The following ALKBH1 variants were observed in gnomAD, a reference collection of about 807,000 sequenced individuals.
The protein encoded by ALKBH1 is alkB homolog 1, histone H2A dioxygenase, also known as nucleic acid dioxygenase ALKBH1.
A neutral mutation model predicts 36.6 loss-of-function variants in ALKBH1; 31 were observed. The ratio of observed to expected loss-of-function variants is 0.85; its 90% confidence interval spans 0.64 to 1.14. ALKBH1 has a LOEUF of 1.14. Among genes scored for constraint, ALKBH1 ranks in the 50% most tolerant of loss-of-function variants. The pLI is 0.00. For missense variants in ALKBH1, 490 were observed against 497.3 expected, an observed-to-expected ratio of 0.99 and a Z score of 0.14; for synonymous variants, 183 against 186.6, an observed-to-expected ratio of 0.98 and a Z score of 0.16.
chr14:77,688,953 G>C (rs2080283641), intron 3 of ALKBH1, among the ~76,000 whole-genome samples: 1 of 152,110 alleles, frequency 6.6e-6, no homozygotes, highest in Non-Finnish European at 1.5e-5. Flanking sequence ...TTTTTCTGAA[G>C]TGAAAAATCT....
chr14:77,675,146 GTT>G (rs1284506322), intron 5 of ALKBH1, among the ~76,000 whole-genome samples: 3 of 152,048 alleles, frequency 2.0e-5, no homozygotes, highest in Admixed American at 2.0e-4. Context: ...TAAAAGGTAG[GTT>G]ACGGCCAGGT....
At chr14:77,693,493 A>G (rs746326738) in intron 3 of ALKBH1, among the ~76,000 whole-genome samples, 2 of 152,224 alleles carry the variant, frequency 1.3e-5, no homozygotes, top group Non-Finnish European at 2.9e-5. Context: ...CTCAATAGAT[A>G]ACAACTGAAT....
chr14:77,679,734 T>A (rs913123767), intron 4 of ALKBH1, 146 bp downstream of exon 4: 5 of 630,238 alleles, frequency 7.9e-6, no homozygotes, highest in Non-Finnish European at 1.4e-5. Context: ...CCTGGCCCAG[T>A]TGAGATTTTT....
chr14:77,696,927 G>A (rs531170213), intron 2 of ALKBH1: 1 of 153,574 alleles, frequency 6.5e-6, no homozygotes, highest in Non-Finnish European at 1.5e-5. Flanking sequence ...GAGTTGCTGT[G>A]GGAGCACAGA....
chr14:77,695,273 A>G (rs941886991), intron 2 of ALKBH1, among the ~76,000 whole-genome samples: 6 of 152,362 alleles, frequency 3.9e-5, no homozygotes, highest in Admixed American at 2.6e-4. Flanking sequence ...AAATCTTATA[A>G]TGAATTTTAG....
rs748761389 is a variant in ALKBH1 at position 77,694,920 on chromosome 14, G to GA, written c.293-21dup. On this transcript the variant is annotated intron_variant, in intron 2 of 5. Transcript: ENST00000216489. ...TAAACCCTATACAAAAGATGGGTGG[G>GA]AAAAAAAGAAGAGGGGGAAATTCTC... 3 of 1,462,610 alleles carry GA rather than the reference G, an allele frequency of 2.1e-6. No individual in the cohort carries two copies. Among genetic ancestry groups the GA allele is most frequent in the Non-Finnish European group, 2.7e-6 (3 of 1,104,276 alleles). 90.6% of individuals were successfully genotyped at this position (1,462,610 alleles called of 1,614,324 possible). A position where few individuals can be genotyped will look rare whatever the true frequency, so the allele number is the denominator to read the frequency against.
chr14:77,703,593 CTTTTT>C (rs200488919), intron 2 of ALKBH1, among the ~76,000 whole-genome samples: 32 of 112,896 alleles, frequency 2.8e-4, no homozygotes, highest in African/African-American at 1.1e-3. Flanking sequence ...CTGCGTCCAG[CTTTTT>C]TTTTTTTTTT....
chr14:77,699,974 G>A (rs1394539623), intron 2 of ALKBH1, among the ~76,000 whole-genome samples: 3 of 152,110 alleles, frequency 2.0e-5, no homozygotes, highest in Non-Finnish European at 4.4e-5. Context: ...AGAATGGCAT[G>A]AACCCGGGAG....
chr14:77,673,910 T>C lies in ALKBH1; in HGVS notation c.1072A>G (p.Ile358Val), dbSNP rs1333348992. 1 of 1,614,192 alleles carries C rather than the reference T, an allele frequency of 6.2e-7. No homozygotes were observed. The highest frequency in any genetic ancestry group is 1.7e-5 in the Admixed American group (1 of 60,016). The change falls in exon 6 of 6, where the codon ATC becomes GTC. Residue 358 changes from isoleucine to valine, a missense_variant. Physicochemically the swap from Ile to Val is conservative, Grantham distance 29. Coordinates refer to ENST00000216489, the MANE Select transcript of ALKBH1 (RefSeq NM_006020.3). ...ATDQNFPLEP[I>V]EDEKRDISTE... is the part of the protein sequence containing the mutation. ...CTGATGTCTCTTTTTTCATCCTCGA[T>C]GGGTTCTAGAGGGAAATTCTGGTCT...
At chr14:77,683,112 A>G in intron 3 of ALKBH1, 2 of 517,918 alleles carry the variant, frequency 3.9e-6, no homozygotes, top group Non-Finnish European at 6.9e-6. Context: ...CTGACCTCCC[A>G]GAGTGCTAAG....
chr14:77,691,473 C>T (rs2080296837), intron 3 of ALKBH1, among the ~76,000 whole-genome samples: 1 of 152,178 alleles, frequency 6.6e-6, no homozygotes, highest in Admixed American at 6.5e-5. Flanking sequence ...CTGCCAGGTA[C>T]TGTCCACATG....
At chr14:77,680,050 A>G (rs903769856) in intron 3 of ALKBH1, 80 bp from the exon 4 acceptor site, 8 of 1,095,840 alleles carry the variant, frequency 7.3e-6, no homozygotes, top group Admixed American at 3.4e-5. Context: ...TGGAGTTAAA[A>G]TTTAGTATTA....
At chr14:77,687,536 A>C (rs2080274623) in intron 3 of ALKBH1, among the ~76,000 whole-genome samples, 1 of 152,104 alleles carries the variant, frequency 6.6e-6, no homozygotes, top group Non-Finnish European at 1.5e-5. Context: ...ACTTTTAAAA[A>C]ATTCAGCATT....
intron 3 of ALKBH1, among the ~76,000 whole-genome samples, chr14:77,687,825 T>TGAGAAAGAAAAGTGAAAAGAAGAG (rs58529113): frequency 0.022 from 3,321 of 152,160 alleles, 134 homozygotes; most frequent in African/African-American, 0.076. Flanking sequence ...TTTCTATAGA[T>TGAGAAAGAAAAGTGAAAAGAAGAG]GAGAAAGAAA....
intron 2 of ALKBH1, among the ~76,000 whole-genome samples, chr14:77,697,735 A>T (rs1270087634): frequency 6.7e-6 from 1 of 149,880 alleles, no homozygotes. Flanking sequence ...GAAGCCGGGC[A>T]TGGTGGCCTG....
At chr14:77,677,570 G>A (rs11624052) in intron 4 of ALKBH1, among the ~76,000 whole-genome samples, 25,399 of 152,060 alleles carry the variant, frequency 0.17, 2,441 homozygotes, top group Non-Finnish European at 0.22. Flanking sequence ...CTCTACTAGC[G>A]TCTGAATATA....
intron 3 of ALKBH1, among the ~76,000 whole-genome samples, chr14:77,682,276 C>A (rs1182715619): frequency 2.0e-5 from 3 of 152,148 alleles, no homozygotes; most frequent in Admixed American, 2.0e-4. Flanking sequence ...GTTTATTCAG[C>A]TAAAGGTACA....
intron 3 of ALKBH1, among the ~76,000 whole-genome samples, chr14:77,685,199 T>A (rs562059751): frequency 6.6e-6 from 1 of 152,054 alleles, no homozygotes; most frequent in African/African-American, 2.4e-5. Flanking sequence ...TCCCAGCACT[T>A]TGGGAGGCTG....
At chr14:77,696,733 T>C (rs113903554) in intron 2 of ALKBH1, 2,413 of 152,066 alleles carry the variant, frequency 0.016, 25 homozygotes, top group Non-Finnish European at 0.024. Flanking sequence ...TAGGAGAGAG[T>C]AGTATAGGCA....
Sources: allele counts gnomAD v4.1 joint callset (sites outside exome capture counted in the v4.1 genomes callset), GRCh38; gene constraint gnomAD v4.1.1; transcripts MANE v1.5; gene names NCBI Gene and HGNC (gene_info 2026-07-23, HGNC 2026-07-21).